Variants in PARVG observed in about 807,000 individuals in gnomAD.
PARVG encodes parvin gamma.
PARVG carries 36 observed loss-of-function variants against 44.4 expected under a neutral mutation model. That is an observed-to-expected ratio of 0.81 (90% CI 0.62 to 1.07). The LOEUF (loss-of-function observed/expected upper bound fraction) is 1.07, where lower values mean the gene tolerates loss of function less well. Ranked by LOEUF, PARVG falls within the 50% of genes least tolerant of loss-of-function variation. The pLI, the probability that PARVG is intolerant of heterozygous loss-of-function variation, is 0.00. For missense variants in PARVG, 407 were observed against 407.4 expected (o/e 1.00, Z 0.01); for synonymous variants, 170 against 174.1 (o/e 0.98, Z 0.19).
intron 7 of PARVG, among the ~76,000 whole-genome samples, chr22:44,191,388 A>ATTTTTTTTTTTTTT (rs35954868): frequency 3.2e-5 from 2 of 63,466 alleles, no homozygotes; most frequent in Non-Finnish European, 5.7e-5. Flanking sequence ...AGTCATTTCT[A>ATTTTTTTTTTTTTT]TTTTTTTTTT....
intron 1 of PARVG, among the ~76,000 whole-genome samples, chr22:44,173,652 C>T (rs8142506): frequency 0.29 from 43,600 of 152,036 alleles, 6,918 homozygotes; most frequent in African/African-American, 0.41. Flanking sequence ...CTGCGGGGAG[C>T]GAAGTAATCC....
At chr22:44,187,606 GC>G (rs1450876749) in intron 4 of PARVG, 169 bp from the exon 5 acceptor site, 1 of 652,202 alleles carries the variant, frequency 1.5e-6, no homozygotes, top group East Asian at 2.7e-5. Flanking sequence ...CCTGGGGCAG[GC>G]CCCTAACAGC....
intron 12 of PARVG, among the ~76,000 whole-genome samples, chr22:44,201,324 T>A (rs1247713359): frequency 6.6e-6 from 1 of 152,090 alleles, no homozygotes; most frequent in East Asian, 1.9e-4. Flanking sequence ...TGCATCTCCA[T>A]TTTACAGAGG....
intron 8 of PARVG, among the ~76,000 whole-genome samples, chr22:44,192,625 G>A (rs2054564711): frequency 8.5e-6 from 1 of 117,078 alleles, no homozygotes; most frequent in Admixed American, 8.6e-5. Flanking sequence ...CTGGGGAGTG[G>A]CCATCCTACC....
chr22:44,198,724 T>C lies in PARVG; in HGVS notation c.813+2T>C, dbSNP rs750572344. ...ACTCCCAACTCTCCTGCAGAAATGG[T>C]AAGTTTTCCAAGGATTTTTCTTTAT... On this transcript the variant is annotated splice_donor_variant, in intron 12 of 13. Transcript: ENST00000444313. LOFTEE classifies it high-confidence loss of function. The C allele has an allele frequency of 1.9e-6, 3 of 1,602,584 alleles. No individual in the cohort carries two copies. The highest frequency in any genetic ancestry group is 3.3e-5 in the Admixed American group (2 of 59,976).
chr22:44,181,469 A>C, intron 1 of PARVG: 3 of 887,564 alleles, frequency 3.4e-6, no homozygotes, highest in Non-Finnish European at 4.0e-6. Context: ...GGTGGAGGCC[A>C]GGCTGACAGG....
chr22:44,176,823 C>A (rs2054323323), upstream of PARVG, among the ~76,000 whole-genome samples: 1 of 152,114 alleles, frequency 6.6e-6, no homozygotes, highest in Admixed American at 6.5e-5. Context: ...TTCCACATGG[C>A]TGGAGAGGCC....
intron 12 of PARVG, among the ~76,000 whole-genome samples, chr22:44,205,362 G>A (rs913954953): frequency 7.9e-5 from 12 of 152,196 alleles, no homozygotes; most frequent in African/African-American, 1.4e-4. Context: ...CTTTCCCTGG[G>A]TAGTTCTCCC....
At chr22:44,183,133 G>A (rs759770889) in intron 2 of PARVG, 185 bp from the exon 3 acceptor site, 7 of 540,656 alleles carry the variant, frequency 1.3e-5, no homozygotes, top group Middle Eastern at 4.6e-4. Context: ...CCGTCACCCC[G>A]CAAGGGTTGG....
rs756681534 is a variant in PARVG at position 44,189,187 on chromosome 22, A to G, written c.321A>G (p.Thr107=). 1.2e-6 allele frequency: 2 copies of G among 1,614,240 alleles called. No homozygotes were observed. Among genetic ancestry groups the G allele is most frequent in the Non-Finnish European group, 1.7e-6 (2 of 1,180,038 alleles). The change falls in exon 6 of 14, where the codon ACA becomes ACG. Residue 107 remains threonine (T), a synonymous_variant. Transcript: ENST00000444313. The part of the protein sequence containing the change: ...LTATSQKHKL[T]VVLEAVNRSL... The stretch of plus-strand genomic sequence containing the variant: ...CCACAAGCCAGAAGCACAAGCTCAC[A>G]GTGGTGCTGGAGGCCGTGAACCGGA...
At chr22:44,181,314 G>A (rs2054372471) in intron 1 of PARVG, 129 bp downstream of exon 1, 1 of 984,778 alleles carries the variant, frequency 1.0e-6, no homozygotes, top group African/African-American at 1.7e-5. Context: ...GGGCTTGTGG[G>A]AGCCTCAGCT....
chr22:44,194,227 G>C (rs2054588231), intron 9 of PARVG, among the ~76,000 whole-genome samples: 1 of 152,200 alleles, frequency 6.6e-6, no homozygotes. Flanking sequence ...CTGGCAGTGA[G>C]GGTTAAAGGA....
chr22:44,177,662 C>T (rs139116), upstream of PARVG, among the ~76,000 whole-genome samples: 104,773 of 151,950 alleles, frequency 0.69, 36,843 homozygotes, highest in African/African-American at 0.82. Context: ...TGATGTGTTC[C>T]TCTCAGCGCA....
rs2147244921 is a variant in PARVG at position 44,207,539 on chromosome 22, G to C, written c.*1113G>C. 1 of 152,790 alleles carries C rather than the reference G, an allele frequency of 6.5e-6. No homozygotes were observed. The highest frequency in any genetic ancestry group is 1.9e-4 in the East Asian group (1 of 5,148). The allele number at this position is 152,790 out of a possible 1,614,324, so 9.5% of individuals were successfully genotyped here. On this transcript the variant is annotated 3_prime_UTR_variant, in exon 14 of 14. Coordinates refer to ENST00000444313, the MANE Select transcript of PARVG (RefSeq NM_022141.7). The stretch of plus-strand genomic sequence containing the variant: ...GGGAGAAGGGCAACCACAGCCCCAG[G>C]CTGCTGCTCCTCCCTGGACCCTGAA...
chr22:44,186,660 G>A (rs147247595), intron 4 of PARVG: 272 of 471,076 alleles, frequency 5.8e-4, no homozygotes, highest in Admixed American at 7.7e-4. Context: ...CTGACATGTC[G>A]TCTCAGCTCG....
At chr22:44,205,962 G>T in intron 13 of PARVG, 133 bp downstream of exon 13, 2 of 1,106,778 alleles carry the variant, frequency 1.8e-6, no homozygotes, top group Non-Finnish European at 2.6e-6. Context: ...CAGGGGTGGA[G>T]AATGGGCGCT....
intron 8 of PARVG, among the ~76,000 whole-genome samples, chr22:44,193,531 CAG>C (rs2054577549): frequency 6.6e-6 from 1 of 152,152 alleles, no homozygotes; most frequent in African/African-American, 2.4e-5. Context: ...GTATCTCCCT[CAG>C]AACAGAACAC....
upstream of PARVG, among the ~76,000 whole-genome samples, chr22:44,177,096 T>C (rs147970658): frequency 5.8e-4 from 89 of 152,270 alleles, no homozygotes; most frequent in African/African-American, 2.1e-3. Flanking sequence ...TATCACTATG[T>C]TTACCTGGAG....
rs1358446529 is a variant in PARVG, at chr22:44,189,231, G to A, written c.365G>A (p.Trp122Ter). ...AACCGGAGTCTGCAGCTGGAGGAGTGGCAGGCCAAGTGGAGCGTGGAGAGT... is the reference window on the plus strand; with the variant it reads ...AACCGGAGTCTGCAGCTGGAGGAGTAGCAGGCCAAGTGGAGCGTGGAGAGT... ...AVNRSLQLEE[W>*]QAKWSVESIF... Residue 122 changes from tryptophan to a stop codon, truncating the protein, a stop_gained, in exon 6 of 14, where the codon TGG (tryptophan) becomes TAG (stop). Transcript: ENST00000444313. LOFTEE classifies it high-confidence loss of function. 1.9e-6 allele frequency: 3 copies of A among 1,614,036 alleles called. No homozygotes were observed. In the African/African-American group the frequency reaches 4.0e-5, roughly 22 times the overall value.
Sources: gnomAD v4.1 joint callset for allele counts (sites outside exome capture counted in the v4.1 genomes callset) on GRCh38, gnomAD v4.1.1 for gene constraint, MANE v1.5 for transcripts, NCBI Gene and HGNC (gene_info 2026-07-23, HGNC 2026-07-21) for gene names.